Variants in SLC24A2 observed in about 807,000 individuals in gnomAD.
SLC24A2 encodes sodium/potassium/calcium exchanger 2.
In SLC24A2, 36 loss-of-function variants were observed where a neutral mutation model predicts 62.0. That is an observed-to-expected ratio of 0.58 (90% CI 0.44 to 0.77). The LOEUF is 0.77. SLC24A2 is among the 30% of genes least tolerant of loss of function. The probability of loss-of-function intolerance (pLI) is 0.00; values close to 1 mark genes in which losing one functional copy is unlikely to be tolerated. For synonymous variants in SLC24A2, 358 were observed against 294.0 expected (o/e 1.22, Z -2.23); for missense variants, 846 against 817.9 (o/e 1.03, Z -0.42).
chr9:19,801,622 G>A, the SLC24A2 span, among the ~76,000 whole-genome samples: 1 of 152,200 alleles, frequency 6.6e-6, no homozygotes, highest in East Asian at 1.9e-4. Flanking sequence ...TGTGCTCTCA[G>A]GCAGTAGATG....
chr9:19,507,530 AATTG>A lies in SLC24A2; in HGVS notation c.*8619_*8622del, dbSNP rs1832545427. On this transcript the variant is annotated 3_prime_UTR_variant, in exon 11 of 11. Coordinates refer to ENST00000341998, the MANE Select transcript of SLC24A2 (RefSeq NM_020344.4). ...TAGTTACATAAAGTGATATTCTATG[AATTG>A]ATTATCAGTAGTAGAAGCACAAAGG... 2.0e-5 allele frequency: 3 copies of A among 152,202 alleles called. No homozygotes were observed. Among genetic ancestry groups the A allele is most frequent in the Admixed American group, 1.3e-4 (2 of 15,282 alleles). The allele number at this position is 152,202 out of a possible 1,614,324, so 9.4% of individuals were successfully genotyped here. A position where few individuals can be genotyped will look rare whatever the true frequency, so the allele number is the denominator to read the frequency against.
the SLC24A2 span, among the ~76,000 whole-genome samples, chr9:20,029,229 T>C: frequency 6.6e-6 from 1 of 152,160 alleles, no homozygotes; most frequent in African/African-American, 2.4e-5. Flanking sequence ...AGCCCGTGAG[T>C]CCATGCCTGG....
At chr9:19,978,985 G>T in the SLC24A2 span, among the ~76,000 whole-genome samples, 21 of 152,262 alleles carry the variant, frequency 1.4e-4, no homozygotes, top group Admixed American at 7.9e-4. Context: ...AGACATGCTC[G>T]ATGTGCTTGT....
chr9:20,233,480 A>G, the SLC24A2 span, among the ~76,000 whole-genome samples: 5 of 152,104 alleles, frequency 3.3e-5, no homozygotes, highest in African/African-American at 1.2e-4. Context: ...CCATTATGTA[A>G]TGGCCTTCTT....
the SLC24A2 span, among the ~76,000 whole-genome samples, chr9:20,061,851 A>C: frequency 1.3e-5 from 2 of 152,152 alleles, no homozygotes; most frequent in Non-Finnish European, 2.9e-5. Flanking sequence ...CTTTACAAAA[A>C]TTAAGAGTGC....
the SLC24A2 span, among the ~76,000 whole-genome samples, chr9:20,117,392 T>C: frequency 6.6e-6 from 1 of 152,168 alleles, no homozygotes. Flanking sequence ...TGTCATTTTT[T>C]TCATTTCATG....
At chr9:19,693,194 T>C (rs1820091716) in intron 2 of SLC24A2, among the ~76,000 whole-genome samples, 1 of 152,148 alleles carries the variant, frequency 6.6e-6, no homozygotes, top group African/African-American at 2.4e-5. Context: ...GGTGTGCATA[T>C]ACCCAAAGGA....
chr9:20,122,771 T>A, the SLC24A2 span, among the ~76,000 whole-genome samples: 1 of 152,312 alleles, frequency 6.6e-6, no homozygotes. Context: ...GAGAAATCAT[T>A]TGAAATTAAA....
At chr9:20,159,714 T>A in the SLC24A2 span, among the ~76,000 whole-genome samples, 2 of 151,488 alleles carry the variant, frequency 1.3e-5, no homozygotes, top group African/African-American at 4.8e-5. Flanking sequence ...GCAGATCAGA[T>A]AATAAAAGAT....
intron 8 of SLC24A2, among the ~76,000 whole-genome samples, chr9:19,533,817 G>GATTTTT (rs1465104777): frequency 5.3e-5 from 8 of 152,164 alleles, no homozygotes; most frequent in Non-Finnish European, 1.0e-4. Context: ...ACTGATACAA[G>GATTTTT]GTCAAATCTA....
At chr9:20,242,970 G>T in the SLC24A2 span, among the ~76,000 whole-genome samples, 1 of 152,082 alleles carries the variant, frequency 6.6e-6, no homozygotes. Flanking sequence ...CTTGCAAAAC[G>T]AAAAGTTTCA....
intron 2 of SLC24A2, among the ~76,000 whole-genome samples, chr9:19,627,525 G>C (rs1259860683): frequency 6.6e-6 from 1 of 152,072 alleles, no homozygotes; most frequent in Non-Finnish European, 1.5e-5. Flanking sequence ...AAAATTTCTT[G>C]ATCATATACC....
At chr9:19,662,897 G>C (rs1051795782) in intron 2 of SLC24A2, among the ~76,000 whole-genome samples, 3 of 152,150 alleles carry the variant, frequency 2.0e-5, no homozygotes, top group African/African-American at 7.2e-5. Flanking sequence ...TATGTGTTAT[G>C]TGTATATTCC....
the SLC24A2 span, among the ~76,000 whole-genome samples, chr9:20,165,054 C>A: frequency 6.6e-6 from 1 of 150,568 alleles, no homozygotes; most frequent in African/African-American, 2.4e-5. Flanking sequence ...TTAATGGGTG[C>A]AGCACACCAG....
the SLC24A2 span, among the ~76,000 whole-genome samples, chr9:20,070,098 A>C: frequency 6.6e-6 from 1 of 152,228 alleles, no homozygotes; most frequent in Admixed American, 6.5e-5. Context: ...CTTTAAATGA[A>C]CATTAAATTG....
chr9:20,212,700 C>G, the SLC24A2 span, among the ~76,000 whole-genome samples: 229 of 151,620 alleles, frequency 1.5e-3, 2 homozygotes, highest in African/African-American at 5.0e-3. Flanking sequence ...TACTAACTAT[C>G]TATAGATGTA....
At chr9:19,680,291 G>C (rs1471654934) in intron 2 of SLC24A2, among the ~76,000 whole-genome samples, 1 of 152,112 alleles carries the variant, frequency 6.6e-6, no homozygotes, top group Non-Finnish European at 1.5e-5. Context: ...GGAGAACTGG[G>C]CACTTCAGGT....
At chr9:19,577,877 C>T (rs964225050) in intron 5 of SLC24A2, among the ~76,000 whole-genome samples, 1 of 148,686 alleles carries the variant, frequency 6.7e-6, no homozygotes, top group Non-Finnish European at 1.5e-5. Flanking sequence ...AATATTCCAA[C>T]ATATATATAT....
chr9:19,664,593 G>C (rs1193276504), intron 2 of SLC24A2, among the ~76,000 whole-genome samples: 1 of 152,222 alleles, frequency 6.6e-6, no homozygotes, highest in Non-Finnish European at 1.5e-5. Context: ...CAGTACCTGT[G>C]AATATGACCT....
Sources: gnomAD v4.1 joint callset for allele counts (sites outside exome capture counted in the v4.1 genomes callset) on GRCh38, gnomAD v4.1.1 for gene constraint, MANE v1.5 for transcripts, NCBI Gene and HGNC (gene_info 2026-07-23, HGNC 2026-07-21) for gene names.